Variants in PLCH2 observed in about 807,000 individuals in gnomAD.
The protein encoded by PLCH2 is phospholipase C eta 2.
In PLCH2, 98 loss-of-function variants were observed where a neutral mutation model predicts 134.7. That is an observed-to-expected ratio of 0.73 (90% CI 0.62 to 0.86). PLCH2 has a LOEUF of 0.86. Ranked by LOEUF, PLCH2 falls within the 40% of genes least tolerant of loss-of-function variation. The pLI is 0.00. For synonymous variants in PLCH2, 974 were observed against 827.5 expected (o/e 1.18, Z -3.04); for missense variants, 1,994 against 1,986.6 (o/e 1.00, Z -0.07).
chr1:2,452,088 C>T (rs546765798), intron 2 of PLCH2, among the ~76,000 whole-genome samples: 11 of 152,068 alleles, frequency 7.2e-5, no homozygotes, highest in South Asian at 2.1e-4. Flanking sequence ...CCCTCTGGCC[C>T]GAGGCTCCCT....
chr1:2,472,982 C>T (rs568673043), upstream of PLCH2, among the ~76,000 whole-genome samples: 1 of 152,248 alleles, frequency 6.6e-6, no homozygotes, highest in South Asian at 2.1e-4. Context: ...CAGCCTTCCC[C>T]AGGGGAGAGG....
At chr1:2,485,307 C>T (rs973615258) in intron 5 of PLCH2, among the ~76,000 whole-genome samples, 3 of 152,200 alleles carry the variant, frequency 2.0e-5, no homozygotes, top group African/African-American at 4.8e-5. Flanking sequence ...GACTGGGTAC[C>T]GCATGCCCTG....
At chr1:2,503,266 C>G (rs1643339955) in intron 21 of PLCH2, 1 of 562,260 alleles carries the variant, frequency 1.8e-6, no homozygotes, top group South Asian at 2.0e-5. Context: ...GGCTGGCGAC[C>G]TGCATGGCCC....
At chr1:2,468,166 A>C (rs1325443980) in intron 1 of PLCH2, among the ~76,000 whole-genome samples, 2 of 152,020 alleles carry the variant, frequency 1.3e-5, no homozygotes, top group Admixed American at 6.5e-5. Flanking sequence ...CCCCTGATCG[A>C]GGTTGGCAAA....
intron 2 of PLCH2, among the ~76,000 whole-genome samples, chr1:2,462,109 G>GCCTGACACCCCTACA (rs1640835481): frequency 6.1e-5 from 4 of 65,264 alleles, no homozygotes; most frequent in Non-Finnish European, 1.2e-4. Context: ...CACCCCCTCC[G>GCCTGACACCCCTACA]CCTGACACCC....
At chr1:2,418,276 C>T in the PLCH2 span, among the ~76,000 whole-genome samples, 2 of 152,254 alleles carry the variant, frequency 1.3e-5, no homozygotes, top group Admixed American at 1.3e-4. Flanking sequence ...ACAGTGACAG[C>T]GTCCAGCATT....
At position 2,498,797 on chromosome 1, in the gene PLCH2, C is replaced by T. The variant is rs1400740689; in HGVS notation, c.2403C>T (p.Ser801=). The T allele has an allele frequency of 1.2e-6, 2 of 1,611,400 alleles. No homozygotes were observed. The highest frequency in any genetic ancestry group is 2.2e-5 in the East Asian group (1 of 44,838). ...TCATTGGGCTCCCTGTGGACTGCAGCAGGGAGCAGACCCGCGTGGTGGACG... is the reference window on the plus strand; with the variant it reads ...TCATTGGGCTCCCTGTGGACTGCAGTAGGGAGCAGACCCGCGTGGTGGACG... ...VEIIGLPVDC[S]REQTRVVDDN... Residue 801 remains serine, a synonymous_variant, in exon 18 of 22, where the codon AGC becomes AGT. Transcript: ENST00000378486. This position sits in a 1 kb window ranked among gnomAD's most constrained non-coding sequence, Gnocchi z 5.4.
At chr1:2,455,685 C>T (rs905406597) in intron 2 of PLCH2, among the ~76,000 whole-genome samples, 1 of 152,210 alleles carries the variant, frequency 6.6e-6, no homozygotes, top group Admixed American at 6.5e-5. Flanking sequence ...GGAGCGGCCC[C>T]AGGGCCTTTG....
rs761890967 is a variant in PLCH2, at chr1:2,476,581, G to A, written c.-8G>A. On this transcript the variant is annotated 5_prime_UTR_variant, in exon 1 of 22. Coordinates refer to ENST00000378486, the MANE Select transcript of PLCH2 (RefSeq NM_014638.4). ...CCTCCGTGAAGCAGGCCCGGCTGTC[G>A]TCAGGCCATGTCTGGTCCATGGCCC... 9.1e-5 allele frequency: 138 copies of A among 1,520,632 alleles called. No individual in the cohort carries two copies. The highest frequency in any genetic ancestry group is 4.4e-4 in the Middle Eastern group (2 of 4,540). The allele number at this position is 1,520,632 out of a possible 1,614,324, so 94.2% of individuals were successfully genotyped here. A position where few individuals can be genotyped will look rare whatever the true frequency, so the allele number is the denominator to read the frequency against.
At chr1:2,426,825 C>T (rs954665132) in intron 1 of PLCH2, among the ~76,000 whole-genome samples, 10 of 152,372 alleles carry the variant, frequency 6.6e-5, no homozygotes, top group East Asian at 3.8e-4. Flanking sequence ...CGTAGCCAGG[C>T]GGGCTCCAGC....
chr1:2,502,463 C>G, intron 21 of PLCH2, 54 bp downstream of exon 21: 1 of 1,497,978 alleles, frequency 6.7e-7, no homozygotes, highest in African/African-American at 1.4e-5. Context: ...GCGGCCCCCG[C>G]GTGTCCTGGA....
upstream of PLCH2, among the ~76,000 whole-genome samples, chr1:2,471,340 G>A (rs989873545): frequency 1.3e-5 from 2 of 152,036 alleles, no homozygotes; most frequent in African/African-American, 2.4e-5. Flanking sequence ...CTGGGCAGGC[G>A]CCCACCTGCA....
At chr1:2,481,881 C>T (rs1270030388) in intron 4 of PLCH2, among the ~76,000 whole-genome samples, 1 of 152,220 alleles carries the variant, frequency 6.6e-6, no homozygotes, top group Non-Finnish European at 1.5e-5. Context: ...GCTGGAGGGG[C>T]TCTGAGAAGT....
At chr1:2,427,460 T>G (rs941655089) in intron 1 of PLCH2, among the ~76,000 whole-genome samples, 1 of 152,084 alleles carries the variant, frequency 6.6e-6, no homozygotes, top group Non-Finnish European at 1.5e-5. Context: ...TGGACTCTCT[T>G]GTGGGCTGGG....
At position 2,489,750 on chromosome 1, in the gene PLCH2, C is replaced by T. The variant is rs772696141; in HGVS notation, c.1408-10C>T. 1.2e-6 allele frequency: 2 copies of T among 1,607,902 alleles called. No individual in the cohort carries two copies. Among genetic ancestry groups the T allele is most frequent in the Admixed American group, 3.3e-5 (2 of 60,010 alleles). On this transcript the variant is annotated splice_polypyrimidine_tract_variant and intron_variant, in intron 9 of 21. Coordinates refer to ENST00000378486, the MANE Select transcript of PLCH2 (RefSeq NM_014638.4). Reference sequence around the variant, plus strand: ...CCAGGGCCCCTCCCATCATGCACCTCCTCCCCCAGGGGAAGAAGCTCCCAG... The same window carrying T: ...CCAGGGCCCCTCCCATCATGCACCTTCTCCCCCAGGGGAAGAAGCTCCCAG...
intron 2 of PLCH2, among the ~76,000 whole-genome samples, chr1:2,455,209 C>A: frequency 6.6e-6 from 1 of 152,360 alleles, no homozygotes; most frequent in South Asian, 2.1e-4. Context: ...ATGGGACCCT[C>A]GGCTGTGGGA....
At chr1:2,479,540 T>A in intron 2 of PLCH2, 194 bp from the exon 3 acceptor site, 1 of 577,946 alleles carries the variant, frequency 1.7e-6, no homozygotes, top group East Asian at 2.8e-5. Context: ...GGGACACGGG[T>A]CAGCAGTGGG....
At chr1:2,502,922 T>C (rs1309597655) in intron 21 of PLCH2, 5 of 717,194 alleles carry the variant, frequency 7.0e-6, no homozygotes, top group Admixed American at 4.0e-5. Flanking sequence ...TAAGCCCCTC[T>C]TGCCCTGCGT....
At chr1:2,435,032 G>A (rs915362771) in intron 2 of PLCH2, among the ~76,000 whole-genome samples, 5 of 152,210 alleles carry the variant, frequency 3.3e-5, no homozygotes, top group South Asian at 2.1e-4. Context: ...GCAGCAGGCC[G>A]GGCAGAACAC....
Sources: gnomAD v4.1 joint callset for allele counts (sites outside exome capture counted in the v4.1 genomes callset) on GRCh38, gnomAD v4.1.1 for gene constraint, Gnocchi (gnomAD v3.1) non-coding constraint, MANE v1.5 for transcripts, NCBI Gene and HGNC (gene_info 2026-07-23, HGNC 2026-07-21) for gene names.